Variants in ZBTB7C observed in about 807,000 individuals in gnomAD.
The protein encoded by ZBTB7C is zinc finger and BTB domain containing 7C.
In ZBTB7C, 8 loss-of-function variants were observed where a neutral mutation model predicts 25.7. The observed-to-expected ratio is 0.31, with a 90% confidence interval of 0.18 to 0.56. ZBTB7C has a LOEUF of 0.56. Ranked by LOEUF, ZBTB7C falls within the 20% of genes least tolerant of loss-of-function variation. ZBTB7C has a pLI of 0.91. For synonymous variants in ZBTB7C, 394 were observed against 369.0 expected (o/e 1.07, Z -0.78); for missense variants, 824 against 855.2 (o/e 0.96, Z 0.46).
chr18:48,409,455 C>T (rs1451454526), upstream of ZBTB7C: 2 of 146,130 alleles, frequency 1.4e-5, no homozygotes, highest in African/African-American at 4.9e-5. Flanking sequence ...CCTCCCCGCG[C>T]CCCGCCTCCC....
intron 2 of ZBTB7C, among the ~76,000 whole-genome samples, chr18:48,322,154 A>T (rs2046111111): frequency 6.6e-6 from 1 of 152,186 alleles, no homozygotes; most frequent in African/African-American, 2.4e-5. Flanking sequence ...GATGGCCTTC[A>T]TCAGATTAGT....
At chr18:48,218,741 C>T (rs527331151) in intron 2 of ZBTB7C, among the ~76,000 whole-genome samples, 12 of 152,348 alleles carry the variant, frequency 7.9e-5, no homozygotes, top group African/African-American at 2.2e-4. Flanking sequence ...GCACCACTGC[C>T]GACTATGGCT....
At chr18:48,397,680 ACAACTTGC>A (rs1368793263) in intron 1 of ZBTB7C, among the ~76,000 whole-genome samples, 2 of 152,240 alleles carry the variant, frequency 1.3e-5, no homozygotes, top group African/African-American at 2.4e-5. Flanking sequence ...CACAGGTCTC[ACAACTTGC>A]CAACTCTAAG....
At chr18:48,165,725 T>C (rs937053661) in intron 3 of ZBTB7C, among the ~76,000 whole-genome samples, 4 of 152,194 alleles carry the variant, frequency 2.6e-5, no homozygotes, top group African/African-American at 9.7e-5. Flanking sequence ...CTCTGAGAAC[T>C]TGAGCTGCTT....
intron 2 of ZBTB7C, among the ~76,000 whole-genome samples, chr18:48,323,026 A>G (rs1377908723): frequency 6.6e-6 from 1 of 151,936 alleles, no homozygotes; most frequent in Admixed American, 6.6e-5. Flanking sequence ...GAATAATACA[A>G]TGGACGTTGG....
chr18:48,364,761 T>C (rs2047184981), intron 1 of ZBTB7C, among the ~76,000 whole-genome samples: 2 of 152,254 alleles, frequency 1.3e-5, no homozygotes, highest in Non-Finnish European at 2.9e-5. Context: ...AGAGGTATTG[T>C]ATGCAAACAG....
At chr18:48,256,477 C>CA (rs35449001) in intron 2 of ZBTB7C, among the ~76,000 whole-genome samples, 10,298 of 131,382 alleles carry the variant, frequency 0.078, 636 homozygotes, top group East Asian at 0.19. Context: ...TACAAAAGCT[C>CA]AAAAAAAAAA....
At chr18:48,096,465 C>G (rs2038637331) in intron 3 of ZBTB7C, among the ~76,000 whole-genome samples, 1 of 152,190 alleles carries the variant, frequency 6.6e-6, no homozygotes, top group Non-Finnish European at 1.5e-5. Flanking sequence ...TCCAGTATGA[C>G]TTTATCCTTA....
intron 2 of ZBTB7C, among the ~76,000 whole-genome samples, chr18:48,258,652 A>C (rs2144497277): frequency 6.6e-6 from 1 of 152,188 alleles, no homozygotes; most frequent in African/African-American, 2.4e-5. Flanking sequence ...CCCAATCAAA[A>C]TCCCAGCATA....
chr18:48,354,290 G>A (rs906482801), intron 1 of ZBTB7C, among the ~76,000 whole-genome samples: 5 of 152,158 alleles, frequency 3.3e-5, no homozygotes, highest in African/African-American at 1.2e-4. Context: ...CTCCAGAGTA[G>A]CTGGGATGAC....
At chr18:48,363,439 A>G (rs1328124996) in intron 1 of ZBTB7C, among the ~76,000 whole-genome samples, 1 of 152,004 alleles carries the variant, frequency 6.6e-6, no homozygotes, top group Admixed American at 6.6e-5. Context: ...AGGATAGACC[A>G]TGTTATTAAA....
At chr18:48,112,716 A>G (rs1323634976) in intron 3 of ZBTB7C, among the ~76,000 whole-genome samples, 1 of 152,190 alleles carries the variant, frequency 6.6e-6, no homozygotes, top group Admixed American at 6.5e-5. Flanking sequence ...TTGAGAAAAA[A>G]TGGTTACAAA....
chr18:48,276,287 T>TTC (rs530230672), intron 2 of ZBTB7C, among the ~76,000 whole-genome samples: 9 of 150,334 alleles, frequency 6.0e-5, no homozygotes, highest in East Asian at 2.0e-4. Flanking sequence ...TTTTTTTTTT[T>TTC]CTAAGTCTTT....
At chr18:48,081,170 T>C (rs978262227) in intron 3 of ZBTB7C, among the ~76,000 whole-genome samples, 5 of 152,174 alleles carry the variant, frequency 3.3e-5, no homozygotes, top group Non-Finnish European at 5.9e-5. Flanking sequence ...GTGATGAAAA[T>C]GAGACATCAG....
At position 48,151,547 on chromosome 18, in the gene ZBTB7C, C is replaced by T. The variant is rs1315877705; in HGVS notation, c.-17+34387G>A. On this transcript the variant is annotated intron_variant, in intron 3 of 4. Coordinates refer to ENST00000590800, the MANE Select transcript of ZBTB7C (RefSeq NM_001318841.2). ...CACTCTAAAGATAAGGAAACGGAGG[C>T]TGGATTGTCGAAGCGACCTGTGACC... 2.3e-4 allele frequency among the ~76,000 whole-genome samples: 35 copies of T among 152,294 alleles called. 1 individual carries two copies. The highest frequency in any genetic ancestry group is 3.4e-3 in the Middle Eastern group (1 of 294).
intron 4 of ZBTB7C, among the ~76,000 whole-genome samples, chr18:48,034,665 C>G (rs2144100125): frequency 6.6e-6 from 1 of 152,314 alleles, no homozygotes; most frequent in East Asian, 1.9e-4. Flanking sequence ...CGTTTGGTGA[C>G]TGACTAGTGG....
intron 2 of ZBTB7C, among the ~76,000 whole-genome samples, chr18:48,300,672 A>G (rs1598818011): frequency 6.6e-6 from 1 of 152,378 alleles, no homozygotes; most frequent in East Asian, 1.9e-4. Context: ...AATGCCGGGA[A>G]GAAAGGCAGA....
At chr18:48,043,143 T>C (rs1273408076) in intron 3 of ZBTB7C, among the ~76,000 whole-genome samples, 2 of 152,196 alleles carry the variant, frequency 1.3e-5, no homozygotes, top group Non-Finnish European at 2.9e-5. Flanking sequence ...CTGGTAGGAA[T>C]GTAGAATGGT....
At position 48,036,925 on chromosome 18, in the gene ZBTB7C, G is replaced by A. The variant is rs543070766; in HGVS notation, c.1208+2975C>T. 1.6e-4 allele frequency among the ~76,000 whole-genome samples: 25 copies of A among 152,318 alleles called. 1 individual carries two copies. The highest frequency in any genetic ancestry group is 1.0e-3 in the Admixed American group (16 of 15,298). On this transcript the variant is annotated intron_variant, in intron 4 of 4. Transcript: ENST00000590800. ...ACCACGCTTGGGGCTCTTCAAGCACGGAAAAGAATCCTTGCCGGGCAGTTC... is the reference window on the plus strand; with the variant it reads ...ACCACGCTTGGGGCTCTTCAAGCACAGAAAAGAATCCTTGCCGGGCAGTTC...
Sources: gnomAD v4.1 joint callset for allele counts (sites outside exome capture counted in the v4.1 genomes callset) on GRCh38, gnomAD v4.1.1 for gene constraint, MANE v1.5 for transcripts, NCBI Gene and HGNC (gene_info 2026-07-23, HGNC 2026-07-21) for gene names.